Variants in POLR3B observed in about 807,000 individuals in gnomAD.
POLR3B encodes RNA polymerase III subunit B, also known as DNA-directed RNA polymerase III subunit RPC2.
In POLR3B, 96 loss-of-function variants were observed where a neutral mutation model predicts 147.4. The observed-to-expected ratio is 0.65, with a 90% CI of 0.55 to 0.77. POLR3B has a LOEUF of 0.77. Ranked by LOEUF, POLR3B falls within the 30% of genes least tolerant of loss-of-function variation. The pLI is 0.00. For missense variants in POLR3B, 1,036 were observed against 1,413.5 expected (o/e 0.73, Z 4.28); for synonymous variants, 461 against 485.9 (o/e 0.95, Z 0.67).
At chr12:106,487,924 T>A (rs540595198) in intron 23 of POLR3B, among the ~76,000 whole-genome samples, 2 of 152,156 alleles carry the variant, frequency 1.3e-5, no homozygotes, top group South Asian at 2.1e-4. Flanking sequence ...TAAGCAAAGA[T>A]TGAATGCAGT....
At chr12:106,392,198 C>T (rs757823834) in intron 9 of POLR3B, among the ~76,000 whole-genome samples, 16 of 152,012 alleles carry the variant, frequency 1.1e-4, no homozygotes, top group South Asian at 2.1e-4. Context: ...GTTTTGCTCT[C>T]GTTGCCCAGG....
At chr12:106,456,522 T>C (rs2137029732) in intron 20 of POLR3B, among the ~76,000 whole-genome samples, 1 of 152,296 alleles carries the variant, frequency 6.6e-6, no homozygotes, top group East Asian at 1.9e-4. Flanking sequence ...CTGTCTCTTC[T>C]CTGGAGAAAA....
intron 27 of POLR3B, among the ~76,000 whole-genome samples, chr12:106,506,936 C>T (rs1474110435): frequency 6.6e-6 from 1 of 152,148 alleles, no homozygotes; most frequent in African/African-American, 2.4e-5. Context: ...GGAAGTCGCT[C>T]TTTAATGAGC....
intron 18 of POLR3B, among the ~76,000 whole-genome samples, chr12:106,438,976 C>A (rs1055835932): frequency 3.3e-5 from 5 of 152,222 alleles, no homozygotes; most frequent in African/African-American, 1.2e-4. Context: ...CTGTCTGATG[C>A]ATGTGACTGA....
At chr12:106,479,163 G>A (rs1326313434) in intron 23 of POLR3B, among the ~76,000 whole-genome samples, 2 of 151,934 alleles carry the variant, frequency 1.3e-5, no homozygotes, top group Non-Finnish European at 2.9e-5. Context: ...TATTTATTTA[G>A]TTAATAATTT....
intron 11 of POLR3B, among the ~76,000 whole-genome samples, chr12:106,408,959 TC>T (rs1160486508): frequency 6.6e-6 from 1 of 152,198 alleles, no homozygotes; most frequent in African/African-American, 2.4e-5. Context: ...GTACCTCTAA[TC>T]GAGTGGCATT....
At position 106,444,454 on chromosome 12, in the gene POLR3B, A is replaced by G. The variant is rs749719345; in HGVS notation, c.1956-9A>G. The stretch of plus-strand genomic sequence containing the variant: ...GCTTAAGATATGTGATTTTTACTTA[A>G]CTTGTTAGAGACACCACCCACTTGG... On this transcript the variant is annotated splice_polypyrimidine_tract_variant and intron_variant, in intron 18 of 27. Transcript: ENST00000228347. The G allele has an allele frequency of 6.2e-7, 1 of 1,613,620 alleles. No homozygotes were observed. The highest frequency in any genetic ancestry group is 1.1e-5 in the South Asian group (1 of 90,998).
intron 19 of POLR3B, among the ~76,000 whole-genome samples, chr12:106,447,193 T>C (rs1363730395): frequency 6.6e-6 from 1 of 152,186 alleles, no homozygotes; most frequent in African/African-American, 2.4e-5. Flanking sequence ...TCAGAATTAA[T>C]TCACTAAATA....
chr12:106,508,016 G>C (rs115462814), intron 27 of POLR3B, among the ~76,000 whole-genome samples: 6 of 152,084 alleles, frequency 3.9e-5, no homozygotes, highest in Non-Finnish European at 8.8e-5. Context: ...AAAATTTTAC[G>C]TATGATTTTG....
chr12:106,509,712 T>C lies in POLR3B; in HGVS notation c.*163T>C, dbSNP rs765299949. ...AGAGGCTTTTTATATACTCTAAGAC[T>C]GGCTAAACAACCTTGATCATTGAGC... is the stretch of plus-strand genomic sequence containing the variant. On this transcript the variant is annotated 3_prime_UTR_variant, in exon 28 of 28. Transcript: ENST00000228347. 1.6e-6 allele frequency: 1 copy of C among 617,846 alleles called. No individual in the cohort carries two copies. Among genetic ancestry groups the C allele is most frequent in the Non-Finnish European group, 2.8e-6 (1 of 352,114 alleles). The allele number at this position is 617,846 out of a possible 1,614,324, so 38.3% of individuals were successfully genotyped here.
intron 14 of POLR3B, among the ~76,000 whole-genome samples, 156 bp from the exon 15 acceptor site, chr12:106,432,162 T>G (rs549191135): frequency 6.5e-4 from 99 of 152,314 alleles, no homozygotes; most frequent in Admixed American, 1.0e-3. Flanking sequence ...GATATATATA[T>G]TTTTTAAAGG....
At chr12:106,498,346 G>T (rs914557145) in intron 25 of POLR3B, among the ~76,000 whole-genome samples, 1 of 152,182 alleles carries the variant, frequency 6.6e-6, no homozygotes, top group Non-Finnish European at 1.5e-5. Flanking sequence ...AGAGCCAGGC[G>T]ACCAGGCTTG....
chr12:106,394,944 C>T (rs1185997019), intron 10 of POLR3B, among the ~76,000 whole-genome samples: 6 of 152,184 alleles, frequency 3.9e-5, no homozygotes, highest in African/African-American at 1.2e-4. Flanking sequence ...GTTACGAAAA[C>T]ATGAATATTC....
chr12:106,469,446 TA>T (rs1454516628), intron 23 of POLR3B, among the ~76,000 whole-genome samples: 1 of 152,332 alleles, frequency 6.6e-6, no homozygotes, highest in East Asian at 1.9e-4. Flanking sequence ...TTAGCCCATT[TA>T]CATTTAAGGT....
intron 23 of POLR3B, among the ~76,000 whole-genome samples, chr12:106,491,070 T>G (rs2038401999): frequency 6.6e-6 from 1 of 152,208 alleles, no homozygotes; most frequent in African/African-American, 2.4e-5. Context: ...TCTCCTTTGC[T>G]TTGCTAGTTT....
In POLR3B at chr12:106,369,668, C is replaced by T; in HGVS notation, c.389C>T (p.Ala130Val). 1 of 1,606,150 alleles carries T rather than the reference C, an allele frequency of 6.2e-7. No homozygotes were observed. Among genetic ancestry groups the T allele is most frequent in the Non-Finnish European group, 8.5e-7 (1 of 1,172,804 alleles). Residue 130 changes from alanine to valine, a missense_variant, in exon 6 of 28, where the codon GCC becomes GTC. By Grantham distance (64) the Ala-to-Val change is moderately conservative. Around this residue, in one of 12 missense-constraint regions of POLR3B, gnomAD observed 217 missense variants for 288.7 expected, o/e 0.75. Transcript: ENST00000228347. ...GGCAGCCAGAGGATCATCCGCAATGCCTTACCTATCGGCAGGTGAGAAATG... is the reference window on the plus strand; with the variant it reads ...GGCAGCCAGAGGATCATCCGCAATGTCTTACCTATCGGCAGGTGAGAAATG... ...TRGSQRIIRN[A>V]LPIGRMPIML...
At chr12:106,462,850 A>G (rs1254101220) in intron 22 of POLR3B, among the ~76,000 whole-genome samples, 1 of 152,062 alleles carries the variant, frequency 6.6e-6, no homozygotes, top group Non-Finnish European at 1.5e-5. Flanking sequence ...ACAGCTTGCC[A>G]CTTCCTGCCA....
intron 12 of POLR3B, among the ~76,000 whole-genome samples, chr12:106,423,856 C>CTT (rs1194716090): frequency 6.9e-6 from 1 of 144,816 alleles, no homozygotes; most frequent in Non-Finnish European, 1.5e-5. Flanking sequence ...CTTATGGTGT[C>CTT]TTTTTTTTTT....
chr12:106,457,065 G>A, intron 20 of POLR3B, 73 bp from the exon 21 acceptor site: 1 of 1,292,868 alleles, frequency 7.7e-7, no homozygotes, highest in East Asian at 2.3e-5. Flanking sequence ...GGATTGTTGA[G>A]TAGCACAAAT....
Sources: allele counts gnomAD v4.1 joint callset (sites outside exome capture counted in the v4.1 genomes callset), GRCh38; gene constraint gnomAD v4.1.1; regional missense constraint gnomAD v4.1.1; transcripts MANE v1.5; gene names NCBI Gene and HGNC (gene_info 2026-07-23, HGNC 2026-07-21).